Variants in EPB41L5 observed in about 807,000 individuals in gnomAD.
EPB41L5 encodes erythrocyte membrane protein band 4.1 like 5.
EPB41L5 carries 55 observed loss-of-function variants against 106.6 expected under a neutral mutation model. The observed-to-expected ratio is 0.52, with a 90% CI of 0.42 to 0.65. The LOEUF (loss-of-function observed/expected upper bound fraction) is 0.65, where lower values mean the gene tolerates loss of function less well. EPB41L5 is among the 30% of genes least tolerant of loss of function. EPB41L5 has a pLI of 0.00. For synonymous variants in EPB41L5, 297 were observed against 306.7 expected, an observed-to-expected ratio of 0.97 and a Z score of 0.33; for missense variants, 871 against 882.1, an observed-to-expected ratio of 0.99 and a Z score of 0.16.
intron 15 of EPB41L5, 104 bp from the exon 16 acceptor site, chr2:120,100,595 A>G (rs184558456): frequency 2.4e-6 from 2 of 827,740 alleles, no homozygotes; most frequent in African/African-American, 3.4e-5. Context: ...ATTTGTATAC[A>G]TTTTAATTGT....
At position 120,164,871 on chromosome 2, in the gene EPB41L5, TCTAA is replaced by T. The variant is rs781656990; in HGVS notation, c.1926_1929del (p.Thr643ArgfsTer3). On this transcript the variant is annotated frameshift_variant, in exon 22 of 25. Transcript: ENST00000263713. LOFTEE classifies it high-confidence loss of function. The stretch of plus-strand genomic sequence containing the variant: ...ATGAATTGGATGCCTTGCTTGCATC[TCTAA>T]CTGAGAATCTAATTGATCACACAGT... 22 of 1,612,408 alleles carry T rather than the reference TCTAA, an allele frequency of 1.4e-5. No individual in the cohort carries two copies. The highest frequency in any genetic ancestry group is 1.6e-5 in the Non-Finnish European group (19 of 1,179,350).
chr2:120,062,320 A>T (rs1681138687), intron 3 of EPB41L5, among the ~76,000 whole-genome samples: 1 of 152,184 alleles, frequency 6.6e-6, no homozygotes, highest in Non-Finnish European at 1.5e-5. Flanking sequence ...GGAAGAACTA[A>T]AAAGTTGAAG....
intron 16 of EPB41L5, among the ~76,000 whole-genome samples, chr2:120,117,363 T>A (rs746612306): frequency 4.6e-5 from 7 of 152,228 alleles, no homozygotes; most frequent in African/African-American, 1.7e-4. Flanking sequence ...TGGTTCTCCT[T>A]TTTAGACAGA....
At chr2:120,128,708 GTT>G (rs397941666) in intron 17 of EPB41L5, among the ~76,000 whole-genome samples, 4 of 141,018 alleles carry the variant, frequency 2.8e-5, no homozygotes, top group Non-Finnish European at 3.1e-5. Context: ...GTACATCATG[GTT>G]TTTTTTTTTT....
intron 16 of EPB41L5, among the ~76,000 whole-genome samples, chr2:120,118,513 C>T (rs559609048): frequency 1.3e-5 from 2 of 152,174 alleles, no homozygotes; most frequent in African/African-American, 4.8e-5. Context: ...TTCCCTCCCC[C>T]ACACCCCCGA....
chr2:120,103,798 A>T (rs1022484389), intron 16 of EPB41L5, among the ~76,000 whole-genome samples: 1 of 152,138 alleles, frequency 6.6e-6, no homozygotes, highest in Non-Finnish European at 1.5e-5. Flanking sequence ...TTTCTGAGAA[A>T]TTTCTTCTTT....
At position 120,078,558 on chromosome 2, in the gene EPB41L5, T is replaced by C. The variant is rs767728074; in HGVS notation, c.780T>C (p.Asp260=). 1 of 1,605,836 alleles carries C rather than the reference T, an allele frequency of 6.2e-7. No homozygotes were observed. The highest frequency in any genetic ancestry group is 1.3e-5 in the African/African-American group (1 of 74,454). Residue 260 remains aspartate, a synonymous_variant, in exon 10 of 25, where the codon GAT becomes GAC. Coordinates refer to ENST00000263713, the MANE Select transcript of EPB41L5 (RefSeq NM_020909.4). ...TPTGVLVFEG[D]TKIGLFFWPK... is the part of the protein sequence containing the mutation. Reference sequence around the variant, plus strand: ...CAGGAGTCCTTGTTTTTGAAGGAGATACCAAAATTGGCTTATTTTTTTGGT... The same window carrying C: ...CAGGAGTCCTTGTTTTTGAAGGAGACACCAAAATTGGCTTATTTTTTTGGT...
At chr2:120,129,306 A>G (rs1186545662) in intron 17 of EPB41L5, among the ~76,000 whole-genome samples, 2 of 151,380 alleles carry the variant, frequency 1.3e-5, no homozygotes, top group Non-Finnish European at 2.9e-5. Context: ...ACTGAGCTCC[A>G]GCCTGGGCCA....
At chr2:120,075,778 T>A in intron 7 of EPB41L5, 25 bp downstream of exon 7, 1 of 1,572,034 alleles carries the variant, frequency 6.4e-7, no homozygotes. Context: ...TGTTGACTGT[T>A]AAGACTCAAG....
intron 20 of EPB41L5, among the ~76,000 whole-genome samples, chr2:120,149,815 C>T (rs1030718566): frequency 2.0e-4 from 30 of 152,158 alleles, no homozygotes; most frequent in African/African-American, 7.2e-4. Context: ...TTTCTACAAC[C>T]ACTGCACCAT....
intron 24 of EPB41L5, among the ~76,000 whole-genome samples, chr2:120,174,126 T>C (rs1483775814): frequency 2.0e-5 from 3 of 152,092 alleles, no homozygotes; most frequent in Admixed American, 6.6e-5. Context: ...ATAGATTAAC[T>C]GGTAGGAACA....
rs1045725978 is a variant in EPB41L5 at position 120,090,395 on chromosome 2, G to C, written c.922G>C (p.Ala308Pro). ...TGTCTTTAGACTGGATCATCCAAAA[G>C]CATGCAAACATTTATGGAAATGTGC... ...TFVFRLDHPK[A>P]CKHLWKCAVE... is the part of the protein sequence containing the mutation. Residue 308 changes from alanine to proline, a missense_variant, in exon 12 of 25, where the codon GCA becomes CCA. Transcript: ENST00000263713. 3 of 1,613,394 alleles carry C rather than the reference G, an allele frequency of 1.9e-6. No homozygotes were observed. Among genetic ancestry groups the C allele is most frequent in the Non-Finnish European group, 2.5e-6 (3 of 1,179,752 alleles).
At chr2:120,151,249 G>T (rs942698926) in intron 20 of EPB41L5, among the ~76,000 whole-genome samples, 1 of 151,842 alleles carries the variant, frequency 6.6e-6, no homozygotes, top group Non-Finnish European at 1.5e-5. Context: ...GCAGTGAGCC[G>T]AGATCACGCC....
At chr2:120,013,901 G>A (rs1431166579) in intron 1 of EPB41L5, among the ~76,000 whole-genome samples, 1 of 152,242 alleles carries the variant, frequency 6.6e-6, no homozygotes, top group Non-Finnish European at 1.5e-5. Context: ...CCATAACCGT[G>A]TACATTTGTA....
chr2:120,130,907 C>T (rs1447058343), intron 17 of EPB41L5, among the ~76,000 whole-genome samples: 2 of 152,160 alleles, frequency 1.3e-5, no homozygotes, highest in African/African-American at 2.4e-5. Context: ...AGGCATTCAA[C>T]CTTTTTTGTC....
At chr2:120,056,980 T>G (rs1680698274) in intron 3 of EPB41L5, among the ~76,000 whole-genome samples, 1 of 152,168 alleles carries the variant, frequency 6.6e-6, no homozygotes, top group South Asian at 2.1e-4. Context: ...CACTGCGGCC[T>G]CAACCTCCCA....
At chr2:120,038,985 A>G (rs1370034332) in intron 2 of EPB41L5, among the ~76,000 whole-genome samples, 2 of 152,236 alleles carry the variant, frequency 1.3e-5, no homozygotes, top group Non-Finnish European at 2.9e-5. Context: ...AATATTTTTC[A>G]GCTTTAAAAA....
At chr2:120,167,288 GTTGTA>G (rs1012661064) in intron 22 of EPB41L5, among the ~76,000 whole-genome samples, 173 bp from the exon 23 acceptor site, 1 of 152,186 alleles carries the variant, frequency 6.6e-6, no homozygotes, top group Non-Finnish European at 1.5e-5. Context: ...TAGCATCTGT[GTTGTA>G]TAACAGAAAA....
chr2:120,078,630 A>C (rs772515016), intron 10 of EPB41L5, 49 bp downstream of exon 10: 13 of 1,296,736 alleles, frequency 1.0e-5, no homozygotes, highest in East Asian at 4.7e-5. Flanking sequence ...TTGGTTTTTA[A>C]TGAGTAAATA....
Sources: gnomAD v4.1 joint callset for allele counts (sites outside exome capture counted in the v4.1 genomes callset) on GRCh38, gnomAD v4.1.1 for gene constraint, MANE v1.5 for transcripts, NCBI Gene and HGNC (gene_info 2026-07-23, HGNC 2026-07-21) for gene names.